ACSL3: variants seen among roughly 807,000 people sequenced by gnomAD.
ACSL3 encodes fatty acid CoA ligase Acsl3.
ACSL3 carries 34 observed loss-of-function variants against 84.7 expected under a neutral mutation model. The ratio of observed to expected loss-of-function variants is 0.40; its 90% CI spans 0.31 to 0.53. ACSL3 has a LOEUF of 0.53. Ranked by LOEUF, ACSL3 falls within the 20% of genes least tolerant of loss-of-function variation. The probability of loss-of-function intolerance (pLI) is 0.48; values close to 1 mark genes in which losing one functional copy is unlikely to be tolerated. For synonymous variants in ACSL3, 315 were observed against 299.4 expected (o/e 1.05, Z -0.54); for missense variants, 680 against 873.1 (o/e 0.78, Z 2.79).
chr2:222,899,843 G>C (rs577768672), intron 2 of ACSL3, among the ~76,000 whole-genome samples: 7 of 152,214 alleles, frequency 4.6e-5, no homozygotes, highest in African/African-American at 1.7e-4. Context: ...GAATGCCTTT[G>C]TTCTCCAGAT....
In ACSL3 at chr2:222,929,494, G is replaced by A. The variant is rs190175397; in HGVS notation, c.1540+558G>A. Among the ~76,000 whole-genome samples the A allele has an allele frequency of 2.4e-3, 372 of 152,192 alleles. 6 individuals are homozygous for A. In the East Asian group the frequency reaches 0.063, roughly 26 times the overall value. On this transcript the variant is annotated intron_variant, in intron 13 of 16. Transcript: ENST00000357430. ...TTCCTCTACATTAAGTAAAGATAAA[G>A]ATTCTGGCCGGGCGCAGTGGCTCAC...
chr2:222,918,150 T>C lies in ACSL3; in HGVS notation c.661T>C (p.Leu221=), dbSNP rs1245980575. 6.2e-7 allele frequency: 1 copy of C among 1,603,622 alleles called. No homozygotes were observed. The highest frequency in any genetic ancestry group is 8.5e-7 in the Non-Finnish European group (1 of 1,171,890). The part of the protein sequence containing the change: ...ITSKELLQTK[L]KDIVSLVPRL... ...TAGTAAAGAACTCTTACAAACAAAG[T>C]TGAAGGTGAGGACTCTAGTTACTTT... The change falls in exon 6 of 17, where the codon TTG becomes CTG. Residue 221 remains leucine (L), a synonymous_variant. Coordinates refer to ENST00000357430, the MANE Select transcript of ACSL3 (RefSeq NM_004457.5).
intron 2 of ACSL3, among the ~76,000 whole-genome samples, chr2:222,898,619 C>T (rs1696053126): frequency 1.3e-5 from 2 of 152,258 alleles, no homozygotes; most frequent in South Asian, 4.1e-4. Flanking sequence ...GGTAGGAGAT[C>T]GAGACCATCC....
intron 16 of ACSL3, 90 bp from the exon 17 acceptor site, chr2:222,941,407 T>C (rs1697302593): frequency 9.2e-7 from 1 of 1,086,970 alleles, no homozygotes; most frequent in South Asian, 1.7e-5. Context: ...GGTTGTGCAT[T>C]TTGATGGATA....
intron 1 of ACSL3, among the ~76,000 whole-genome samples, chr2:222,872,463 A>T (rs1695330964): frequency 6.6e-6 from 1 of 152,136 alleles, no homozygotes; most frequent in Admixed American, 6.5e-5. Flanking sequence ...ATCTTAGGAA[A>T]ATTTAAATAA....
intron 3 of ACSL3, among the ~76,000 whole-genome samples, chr2:222,900,993 A>T (rs1031265032): frequency 6.6e-6 from 1 of 152,104 alleles, no homozygotes; most frequent in Non-Finnish European, 1.5e-5. Flanking sequence ...ACAAAAGACA[A>T]ACTTTTTGGT....
At chr2:222,930,473 A>T (rs548618887) in intron 13 of ACSL3, 148 bp from the exon 14 acceptor site, 33 of 575,790 alleles carry the variant, frequency 5.7e-5, no homozygotes, top group East Asian at 1.7e-4. Context: ...TGTTAAATTG[A>T]TAAACTTTGT....
intron 16 of ACSL3, among the ~76,000 whole-genome samples, chr2:222,936,046 G>T (rs1019946394): frequency 5.9e-5 from 9 of 152,140 alleles, no homozygotes; most frequent in African/African-American, 2.2e-4. Flanking sequence ...CTTATTTAGT[G>T]TATCTTCAGG....
At chr2:222,922,157 A>T (rs985909787) in intron 8 of ACSL3, among the ~76,000 whole-genome samples, 7 of 152,180 alleles carry the variant, frequency 4.6e-5, no homozygotes, top group Non-Finnish European at 2.9e-5. Flanking sequence ...GCAGCTCTTG[A>T]AGTATATACA....
chr2:222,888,376 T>C (rs764518341), intron 2 of ACSL3, among the ~76,000 whole-genome samples: 3 of 152,138 alleles, frequency 2.0e-5, no homozygotes, highest in Non-Finnish European at 4.4e-5. Context: ...CTGAAGTGAA[T>C]TAGAGTTTAT....
At chr2:222,904,623 T>G (rs1696245935) in intron 3 of ACSL3, 1 of 153,406 alleles carries the variant, frequency 6.5e-6, no homozygotes, top group African/African-American at 2.4e-5. Context: ...AAGTAGCAAG[T>G]TGTTTTTTTC....
chr2:222,921,625 A>G (rs1413196677), intron 8 of ACSL3, among the ~76,000 whole-genome samples, 195 bp downstream of exon 8: 2 of 152,062 alleles, frequency 1.3e-5, no homozygotes, highest in Admixed American at 6.6e-5. Context: ...AAAATATATC[A>G]TATAGATATA....
rs1377324062 is a variant in ACSL3 at position 222,944,319 on chromosome 2, C to T, written c.*2665C>T. 1 of 152,120 alleles carries T rather than the reference C, an allele frequency of 6.6e-6. No homozygotes were observed. The highest frequency in any genetic ancestry group is 1.9e-4 in the East Asian group (1 of 5,200). The allele number at this position is 152,120 out of a possible 1,614,324, so 9.4% of individuals were successfully genotyped here. A position where few individuals can be genotyped will look rare whatever the true frequency, so the allele number is the denominator to read the frequency against. Reference sequence around the variant, plus strand: ...TTTTAAACAACCAGTCCCTGTGATACAACTTTGAAAAAACTTTTAAAAATC... The same window carrying T: ...TTTTAAACAACCAGTCCCTGTGATATAACTTTGAAAAAACTTTTAAAAATC... On this transcript the variant is annotated 3_prime_UTR_variant, in exon 17 of 17. Transcript: ENST00000357430.
intron 1 of ACSL3, among the ~76,000 whole-genome samples, chr2:222,865,794 C>CTGTGTGTGTGTGTGTGTG (rs3219912): frequency 2.0e-4 from 30 of 150,008 alleles, no homozygotes; most frequent in African/African-American, 6.4e-4. Flanking sequence ...TTTGGATCCT[C>CTGTGTGTGTGTGTGTGTG]TGTGTGTGTG....
intron 1 of ACSL3, among the ~76,000 whole-genome samples, chr2:222,885,958 G>A (rs1695711865): frequency 6.6e-6 from 1 of 152,030 alleles, no homozygotes; most frequent in Admixed American, 6.6e-5. Context: ...GGTCAGGCTG[G>A]TCTTGAACTC....
intron 1 of ACSL3, among the ~76,000 whole-genome samples, chr2:222,883,006 G>GATCT (rs1212089727): frequency 1.3e-5 from 2 of 151,616 alleles, no homozygotes; most frequent in Non-Finnish European, 2.9e-5. Context: ...CTGACCTTGT[G>GATCT]ATCTGCCTGC....
At chr2:222,877,948 T>C (rs1236362730) in intron 1 of ACSL3, among the ~76,000 whole-genome samples, 1 of 152,230 alleles carries the variant, frequency 6.6e-6, no homozygotes, top group Non-Finnish European at 1.5e-5. Flanking sequence ...TTGCTGTCTT[T>C]CTTAGATAAG....
Position 222,942,986 on chromosome 2 carries a change from G to A in ACSL3, c.*1332G>A, listed in dbSNP as rs1281458101. The A allele has an allele frequency of 1.3e-5, 3 of 222,922 alleles. No homozygotes were observed. The highest frequency in any genetic ancestry group is 6.7e-5 in the African/African-American group (3 of 44,616). 13.8% of individuals were successfully genotyped at this position (222,922 alleles called of 1,614,324 possible). On this transcript the variant is annotated 3_prime_UTR_variant, in exon 17 of 17. Coordinates refer to ENST00000357430, the MANE Select transcript of ACSL3 (RefSeq NM_004457.5). The stretch of plus-strand genomic sequence containing the variant: ...AAAGCAATAGTGCACCAATTAAGAT[G>A]TGCTCAAATCAGGACTTAAATCATA...
chr2:222,864,279 A>T (rs559870764), intron 1 of ACSL3, among the ~76,000 whole-genome samples: 1 of 152,284 alleles, frequency 6.6e-6, no homozygotes, highest in African/African-American at 2.4e-5. Context: ...TTATTGAGGT[A>T]CTGGTTTTGT....
Sources: gnomAD v4.1 joint callset for allele counts (sites outside exome capture counted in the v4.1 genomes callset) on GRCh38, gnomAD v4.1.1 for gene constraint, MANE v1.5 for transcripts, NCBI Gene and HGNC (gene_info 2026-07-23, HGNC 2026-07-21) for gene names.